The following HNF1B variants were observed in gnomAD, a reference collection of about 807,000 sequenced individuals.
HNF1B encodes the protein HNF1 homeobox B, also known as hepatocyte nuclear factor 1-beta.
HNF1B carries 8 observed loss-of-function variants against 61.7 expected under a neutral mutation model. The ratio of observed to expected loss-of-function variants is 0.13; its 90% CI spans 0.08 to 0.23. The LOEUF is 0.23. Ranked by LOEUF, HNF1B falls within the 10% of genes least tolerant of loss-of-function variation. The probability of loss-of-function intolerance (pLI) is 1.00; values close to 1 mark genes in which losing one functional copy is unlikely to be tolerated. For synonymous variants in HNF1B, 314 were observed against 287.7 expected (o/e 1.09, Z -0.93); for missense variants, 562 against 714.5 (o/e 0.79, Z 2.43).
Position 37,686,562 on chromosome 17 carries a change from G to A in HNF1B, c.*810C>T, listed in dbSNP as rs1277134174. 1 of 152,634 alleles carries A rather than the reference G, an allele frequency of 6.6e-6. No homozygotes were observed. Among genetic ancestry groups the A allele is most frequent in the Non-Finnish European group, 1.5e-5 (1 of 68,392 alleles). The allele number at this position is 152,634 out of a possible 1,614,324, so 9.5% of individuals were successfully genotyped here. On this transcript the variant is annotated 3_prime_UTR_variant, in exon 9 of 9. Transcript: ENST00000617811. ...CGGCTGAGCTCCTGGCCCACAGGAA[G>A]CTGGCATGTTACTCTGACACACTAC...
At chr17:37,738,875 G>C (rs4520879) in intron 2 of HNF1B, among the ~76,000 whole-genome samples, 1 of 152,216 alleles carries the variant, frequency 6.6e-6, no homozygotes, top group Non-Finnish European at 1.5e-5. Flanking sequence ...CACTCTACCA[G>C]TGTTGGTAAA....
intron 4 of HNF1B, among the ~76,000 whole-genome samples, chr17:37,727,140 C>T (rs1017691305): frequency 3.9e-5 from 6 of 152,202 alleles, no homozygotes; most frequent in Non-Finnish European, 7.3e-5. Context: ...AATACAAGCA[C>T]CAGGCTCCAA....
chr17:37,711,167 T>C (rs2032924169), intron 4 of HNF1B, among the ~76,000 whole-genome samples: 1 of 152,188 alleles, frequency 6.6e-6, no homozygotes, highest in South Asian at 2.1e-4. Context: ...CCAGTGACCC[T>C]TGAAAGAGCC....
At chr17:37,721,142 A>G (rs2033300418) in intron 4 of HNF1B, among the ~76,000 whole-genome samples, 1 of 152,192 alleles carries the variant, frequency 6.6e-6, no homozygotes, top group Admixed American at 6.5e-5. Context: ...GCCAGCTGCT[A>G]TTCAGAAGCC....
chr17:37,688,730 G>A (rs1202951128), intron 8 of HNF1B, among the ~76,000 whole-genome samples: 5 of 152,148 alleles, frequency 3.3e-5, no homozygotes, highest in Admixed American at 6.5e-5. Context: ...TATAATATGG[G>A]AGTTGTTGTG....
intron 4 of HNF1B, chr17:37,729,564 A>C (rs928740655): frequency 1.3e-5 from 2 of 152,230 alleles, no homozygotes; most frequent in Non-Finnish European, 2.9e-5. Flanking sequence ...GCCCCCAAAC[A>C]AAACCTCCAT....
intron 5 of HNF1B, among the ~76,000 whole-genome samples, chr17:37,708,020 G>A (rs1339472703): frequency 6.6e-6 from 1 of 152,154 alleles, no homozygotes; most frequent in Non-Finnish European, 1.5e-5. Context: ...AGTGCTACAA[G>A]CAATCTTCAC....
At chr17:37,713,072 T>C (rs2032989358) in intron 4 of HNF1B, among the ~76,000 whole-genome samples, 4 of 152,234 alleles carry the variant, frequency 2.6e-5, no homozygotes, top group Admixed American at 2.6e-4. Context: ...CTCTGTTCTT[T>C]TGGAGGAACT....
chr17:37,743,878 C>T (rs1254209580), intron 1 of HNF1B, among the ~76,000 whole-genome samples: 5 of 152,226 alleles, frequency 3.3e-5, no homozygotes. Context: ...CACCACCGCG[C>T]TTGGTTTCTT....
chr17:37,690,606 C>T (rs533384931), intron 8 of HNF1B, among the ~76,000 whole-genome samples: 2 of 151,952 alleles, frequency 1.3e-5, no homozygotes, highest in South Asian at 4.1e-4. Flanking sequence ...TCTGAGGGTC[C>T]CCTAGTAGAA....
At position 37,710,199 on chromosome 17, in the gene HNF1B, A is replaced by T. The variant is rs796893545; in HGVS notation, c.1206+304T>A. ...ATGAATGAACATTTTATCAACACAA[A>T]TGTCATTGGCAAGCCCCAAAACAAA... is the stretch of plus-strand genomic sequence containing the variant. On this transcript the variant is annotated intron_variant, in intron 5 of 8. Coordinates refer to ENST00000617811, the MANE Select transcript of HNF1B (RefSeq NM_000458.4). Among the ~76,000 whole-genome samples the T allele has an allele frequency of 2.0e-5, 3 of 152,184 alleles. No individual in the cohort carries two copies. In the East Asian group the frequency reaches 5.8e-4, roughly 29 times the overall value.
rs566475174 is a variant in HNF1B at position 37,737,695 on chromosome 17, T to C, written c.544+1745A>G. Among the ~76,000 whole-genome samples, 639 of 147,262 alleles carry C rather than the reference T, an allele frequency of 4.3e-3. 1 individual carries two copies. The highest frequency in any genetic ancestry group is 6.3e-3 in the Non-Finnish European group (422 of 67,054). On this transcript the variant is annotated intron_variant, in intron 2 of 8. Coordinates refer to ENST00000617811, the MANE Select transcript of HNF1B (RefSeq NM_000458.4). ...CCAAAAAAAAAAAAAATTAGCCAGG[T>C]GTGGTGGCGGGCACCTGCAGTCCCA...
intron 4 of HNF1B, among the ~76,000 whole-genome samples, chr17:37,713,706 G>T (rs1200185377): frequency 6.6e-6 from 1 of 152,228 alleles, no homozygotes; most frequent in Non-Finnish European, 1.5e-5. Flanking sequence ...CCAGAGGACG[G>T]CCCACTGTGG....
At chr17:37,732,484 A>G (rs1251515346) in intron 3 of HNF1B, among the ~76,000 whole-genome samples, 3 of 152,204 alleles carry the variant, frequency 2.0e-5, no homozygotes, top group Admixed American at 2.0e-4. Flanking sequence ...GTGGCAATAC[A>G]GGCCTCCCTG....
intron 2 of HNF1B, among the ~76,000 whole-genome samples, chr17:37,739,102 T>C (rs1437522302): frequency 4.6e-5 from 7 of 152,120 alleles, no homozygotes; most frequent in African/African-American, 1.4e-4. Flanking sequence ...CAAGGGGAGA[T>C]GCTGGGTTTT....
At chr17:37,716,021 G>A (rs2033097459) in intron 4 of HNF1B, among the ~76,000 whole-genome samples, 1 of 152,098 alleles carries the variant, frequency 6.6e-6, no homozygotes, top group Middle Eastern at 3.4e-3. Context: ...GCTAGGCATA[G>A]TGGTGTAATC....
chr17:37,744,913 A>C lies in HNF1B; in HGVS notation c.-29T>G. 3.1e-6 allele frequency: 1 copy of C among 322,962 alleles called. No individual in the cohort carries two copies. Among genetic ancestry groups the C allele is most frequent in the Non-Finnish European group, 5.8e-6 (1 of 172,838 alleles). 20.0% of individuals were successfully genotyped at this position (322,962 alleles called of 1,614,324 possible). ...CCAAGGACGGAAAAAGAAGGGGGTG[A>C]GGGGGTGGGTGGGTGCGAGAGAGGA... is the stretch of plus-strand genomic sequence containing the variant. On this transcript the variant is annotated 5_prime_UTR_variant, in exon 1 of 9. Transcript: ENST00000617811.
At position 37,718,878 on chromosome 17, in the gene HNF1B, TGTTGA is replaced by T. The variant is rs570837075; in HGVS notation, c.1046-8220_1046-8216del. ...CTCCACATCACTTTCACCTTTAGAC[TGTTGA>T]GTTGAGTGGTGGTGAAGTGACTGGA... On this transcript the variant is annotated intron_variant, in intron 4 of 8. Transcript: ENST00000617811. Among the ~76,000 whole-genome samples, 6 of 152,340 alleles carry T rather than the reference TGTTGA, an allele frequency of 3.9e-5. No individual in the cohort carries two copies. The South Asian group carries it at 8.3e-4, about 21-fold the overall frequency.
At chr17:37,732,841 G>GT (rs1254597443) in intron 3 of HNF1B, among the ~76,000 whole-genome samples, 28 of 124,362 alleles carry the variant, frequency 2.3e-4, no homozygotes, top group African/African-American at 6.8e-4. Context: ...TTGTTTTTTT[G>GT]TTTTTTTGTT....
Sources: gnomAD v4.1 joint callset for allele counts (sites outside exome capture counted in the v4.1 genomes callset) on GRCh38, gnomAD v4.1.1 for gene constraint, MANE v1.5 for transcripts, NCBI Gene and HGNC (gene_info 2026-07-23, HGNC 2026-07-21) for gene names.